Variants in EFCAB6 observed in about 807,000 individuals in gnomAD.
EFCAB6 encodes the protein EF-hand calcium-binding domain-containing protein 6.
In EFCAB6, 156 loss-of-function variants were observed where a neutral mutation model predicts 169.8. The observed-to-expected ratio is 0.92, with a 90% CI of 0.81 to 1.05. The LOEUF (loss-of-function observed/expected upper bound fraction) is 1.05. Among genes scored for constraint, EFCAB6 ranks in the 50% least tolerant of loss-of-function variants. The probability of loss-of-function intolerance (pLI) is 0.00; values close to 1 mark genes in which losing one functional copy is unlikely to be tolerated. For missense variants in EFCAB6, 1,800 were observed against 1,829.1 expected, an observed-to-expected ratio of 0.98 and a Z score of 0.29; for synonymous variants, 698 against 676.4, an observed-to-expected ratio of 1.03 and a Z score of -0.50.
chr22:43,567,656 T>G (rs995048185), intron 26 of EFCAB6, among the ~76,000 whole-genome samples: 2 of 152,132 alleles, frequency 1.3e-5, no homozygotes, highest in African/African-American at 4.8e-5. Context: ...AGCACTAGCA[T>G]TTCTAATGGT....
chr22:43,732,917 G>A (rs1326288701), intron 7 of EFCAB6, among the ~76,000 whole-genome samples: 1 of 152,068 alleles, frequency 6.6e-6, no homozygotes, highest in Non-Finnish European at 1.5e-5. Flanking sequence ...TAAATGTTTG[G>A]TTATATTATC....
chr22:43,668,908 T>C lies in EFCAB6; in HGVS notation c.1778A>G (p.Gln593Arg). The change falls in exon 16 of 32, where the codon CAA becomes CGA. Residue 593 changes from glutamine to arginine, a missense_variant. Coordinates refer to ENST00000262726, the MANE Select transcript of EFCAB6 (RefSeq NM_022785.4). The part of the protein sequence containing the change: ...PKDQLLSEHL[Q>R]KDEQQQPDLS... Reference sequence around the variant, plus strand: ...ATCTGGCTGCTGCTGTTCATCTTTTTGTAAATGTTCACTTAACAGCTGATC... The same window carrying C: ...ATCTGGCTGCTGCTGTTCATCTTTTCGTAAATGTTCACTTAACAGCTGATC... 1 of 1,608,750 alleles carries C rather than the reference T, an allele frequency of 6.2e-7. No homozygotes were observed. The highest frequency in any genetic ancestry group is 1.1e-5 in the South Asian group (1 of 89,480).
intron 9 of EFCAB6, among the ~76,000 whole-genome samples, chr22:43,715,081 C>T (rs2059286425): frequency 6.6e-6 from 1 of 152,168 alleles, no homozygotes; most frequent in Non-Finnish European, 1.5e-5. Context: ...AAAGCCAGCC[C>T]ATACTGTCTG....
At chr22:43,672,344 C>T in intron 13 of EFCAB6, 39 bp from the exon 14 acceptor site, 1 of 1,605,042 alleles carries the variant, frequency 6.2e-7, no homozygotes, top group South Asian at 1.1e-5. Flanking sequence ...AAATACCACT[C>T]ATGAAAGTCA....
chr22:43,566,743 G>A (rs892895150), intron 26 of EFCAB6, among the ~76,000 whole-genome samples: 1 of 152,198 alleles, frequency 6.6e-6, no homozygotes, highest in Non-Finnish European at 1.5e-5. Flanking sequence ...TGATGTGCCA[G>A]GCACACTCCC....
chr22:43,579,092 A>G (rs113386120), intron 25 of EFCAB6, among the ~76,000 whole-genome samples: 2,794 of 149,324 alleles, frequency 0.019, 97 homozygotes, highest in African/African-American at 0.067. Flanking sequence ...ACACGCAGGC[A>G]TCATTGTCTA....
At chr22:43,769,175 T>C (rs1450768693) in intron 4 of EFCAB6, among the ~76,000 whole-genome samples, 1 of 152,182 alleles carries the variant, frequency 6.6e-6, no homozygotes, top group African/African-American at 2.4e-5. Flanking sequence ...TAAAAAGGAA[T>C]GAGGTACAAA....
chr22:43,553,866 G>A (rs1450765427), intron 27 of EFCAB6: 1 of 152,694 alleles, frequency 6.5e-6, no homozygotes, highest in Non-Finnish European at 1.5e-5. Context: ...TCCTTCTGGG[G>A]ATTCTGTGAT....
chr22:43,687,448 T>TG (rs1569389095), intron 11 of EFCAB6, 23 bp downstream of exon 11: 3 of 388,940 alleles, frequency 7.7e-6, no homozygotes, highest in South Asian at 1.1e-4. Context: ...CTAAAATTTG[T>TG]TTTTTTTTTT....
At chr22:43,597,737 G>A (rs373354976) in intron 23 of EFCAB6, among the ~76,000 whole-genome samples, 2 of 151,980 alleles carry the variant, frequency 1.3e-5, no homozygotes, top group African/African-American at 4.8e-5. Flanking sequence ...GATACTGCTG[G>A]GTATATATTC....
In EFCAB6 at chr22:43,795,819, A is replaced by AACAC. The variant is rs140641457; in HGVS notation, c.-8+13172_-8+13175dup. ...GCCATTCAGACAGCACTCGCCTCCC[A>AACAC]ACACACACACACACACACACACTAC... is the stretch of plus-strand genomic sequence containing the variant. On this transcript the variant is annotated intron_variant, in intron 2 of 31. Coordinates refer to ENST00000262726, the MANE Select transcript of EFCAB6 (RefSeq NM_022785.4). This position sits in a 1 kb window ranked among gnomAD's most constrained non-coding sequence, Gnocchi z 4.2. Among the ~76,000 whole-genome samples, 785 of 148,896 alleles carry AACAC rather than the reference A, an allele frequency of 5.3e-3. 6 individuals are homozygous for AACAC. Among genetic ancestry groups the AACAC allele is most frequent in the African/African-American group, 0.018 (725 of 40,514 alleles).
At chr22:43,581,881 G>A (rs1348726654) in intron 24 of EFCAB6, among the ~76,000 whole-genome samples, 1 of 152,216 alleles carries the variant, frequency 6.6e-6, no homozygotes, top group Admixed American at 6.5e-5. Flanking sequence ...AATTGCCAAC[G>A]TGGTATTAAA....
chr22:43,675,537 A>G (rs1008997111), intron 13 of EFCAB6, among the ~76,000 whole-genome samples: 3 of 143,592 alleles, frequency 2.1e-5, no homozygotes, highest in Non-Finnish European at 4.5e-5. Context: ...TAAGCAATAA[A>G]TCAGTGTACA....
intron 17 of EFCAB6, among the ~76,000 whole-genome samples, chr22:43,642,940 A>T (rs1461514111): frequency 6.6e-6 from 1 of 152,214 alleles, no homozygotes; most frequent in Non-Finnish European, 1.5e-5. Context: ...GGCATCTCAG[A>T]TAAGAAGCCC....
intron 8 of EFCAB6, among the ~76,000 whole-genome samples, chr22:43,725,529 A>T (rs533843963): frequency 6.6e-6 from 1 of 152,322 alleles, no homozygotes; most frequent in East Asian, 1.9e-4. Flanking sequence ...GTCACCTCTT[A>T]AAGGCCACAT....
rs143030519 is a variant in EFCAB6 at position 43,638,817 on chromosome 22, C to T, written c.1984-3601G>A. On this transcript the variant is annotated intron_variant, in intron 17 of 31. Coordinates refer to ENST00000262726, the MANE Select transcript of EFCAB6 (RefSeq NM_022785.4). Reference sequence around the variant, plus strand: ...TTTTTTTTTTTGAGACGGAGTTTCGCTCTTGTTGCCCAGGCTGGAGTGCAA... The same window carrying T: ...TTTTTTTTTTTGAGACGGAGTTTCGTTCTTGTTGCCCAGGCTGGAGTGCAA... Among the ~76,000 whole-genome samples the T allele has an allele frequency of 2.6e-4, 37 of 143,662 alleles. 1 individual carries two copies. Among genetic ancestry groups the T allele is most frequent in the African/African-American group, 8.9e-4 (34 of 38,250 alleles). 94.2% of individuals were successfully genotyped at this position (143,662 alleles called of 152,430 possible). A position where few individuals can be genotyped will look rare whatever the true frequency, so the allele number is the denominator to read the frequency against.
At chr22:43,587,446 T>C (rs1036116986) in intron 24 of EFCAB6, among the ~76,000 whole-genome samples, 12 of 152,242 alleles carry the variant, frequency 7.9e-5, no homozygotes, top group African/African-American at 2.9e-4. Flanking sequence ...TTCCCTGTTG[T>C]TGGCAGGACT....
intron 12 of EFCAB6, among the ~76,000 whole-genome samples, chr22:43,679,652 G>GT (rs879177610): frequency 6.6e-6 from 1 of 151,990 alleles, no homozygotes; most frequent in Admixed American, 6.6e-5. Context: ...ACTTATTATT[G>GT]TTTGTCTTTT....
intron 6 of EFCAB6, among the ~76,000 whole-genome samples, chr22:43,743,324 T>C (rs1441169386): frequency 6.6e-6 from 1 of 152,168 alleles, no homozygotes; most frequent in South Asian, 2.1e-4. Flanking sequence ...CGACCCCCAC[T>C]GGACAATCCC....
Sources: allele counts gnomAD v4.1 joint callset (sites outside exome capture counted in the v4.1 genomes callset), GRCh38; gene constraint gnomAD v4.1.1; non-coding constraint Gnocchi (gnomAD v3.1); transcripts MANE v1.5; gene names NCBI Gene and HGNC (gene_info 2026-07-23, HGNC 2026-07-21).